SERINC5: variants seen among roughly 807,000 people sequenced by gnomAD.
The protein encoded by SERINC5 is chromosome 5 open reading frame 12.
Under a neutral mutation model 63.1 loss-of-function variants are expected in SERINC5, and 41 were observed. The ratio of observed to expected loss-of-function variants is 0.65; its 90% CI spans 0.51 to 0.84. The LOEUF (loss-of-function observed/expected upper bound fraction) is 0.84. Ranked by LOEUF, SERINC5 falls within the 40% of genes least tolerant of loss-of-function variation. The pLI, the probability that SERINC5 is intolerant of heterozygous loss-of-function variation, is 0.00. For synonymous variants in SERINC5, 222 were observed against 215.2 expected (o/e 1.03, Z -0.28); for missense variants, 523 against 573.0 (o/e 0.91, Z 0.89).
chr5:80,160,934 G>GTA (rs1187542681), intron 7 of SERINC5, among the ~76,000 whole-genome samples: 5 of 131,916 alleles, frequency 3.8e-5, no homozygotes, highest in South Asian at 2.5e-4. Flanking sequence ...GTGTGTGTGT[G>GTA]TATATATATG....
Position 80,143,481 on chromosome 5 carries a change from C to T in SERINC5, c.*182G>A. On this transcript the variant is annotated 3_prime_UTR_variant, in exon 12 of 12. Transcript: ENST00000507668. ...AAAATTTCAATTCCTTTGGGACAAACTGGTAGTTTCTTTTTGAATTTCAAA... is the reference window on the plus strand; with the variant it reads ...AAAATTTCAATTCCTTTGGGACAAATTGGTAGTTTCTTTTTGAATTTCAAA... 1 of 1,354,648 alleles carries T rather than the reference C, an allele frequency of 7.4e-7. No individual in the cohort carries two copies. The highest frequency in any genetic ancestry group is 9.5e-7 in the Non-Finnish European group (1 of 1,056,418). 83.9% of individuals were successfully genotyped at this position (1,354,648 alleles called of 1,614,324 possible).
intron 1 of SERINC5, among the ~76,000 whole-genome samples, chr5:80,208,859 TTTG>T (rs1424657851): frequency 2.6e-5 from 4 of 152,206 alleles, no homozygotes; most frequent in African/African-American, 9.7e-5. Context: ...CAATGAAATA[TTTG>T]TTAATACGTC....
chr5:80,139,383 C>A lies in SERINC5; in HGVS notation c.*4280G>T, dbSNP rs1745366597. 1.0e-6 allele frequency: 1 copy of A among 984,968 alleles called. No homozygotes were observed. The highest frequency in any genetic ancestry group is 6.2e-5 in the Admixed American group (1 of 16,248). The allele number at this position is 984,968 out of a possible 1,614,324, so 61.0% of individuals were successfully genotyped here. A position where few individuals can be genotyped will look rare whatever the true frequency, so the allele number is the denominator to read the frequency against. On this transcript the variant is annotated 3_prime_UTR_variant, in exon 12 of 12. Transcript: ENST00000507668. The stretch of plus-strand genomic sequence containing the variant: ...CAGGATCCTTTATCCCAAAGGATTA[C>A]CTTAAAGAGTTCTTCCATCATTTTA...
chr5:80,236,985 C>T (rs7737310), intron 1 of SERINC5, among the ~76,000 whole-genome samples: 28 of 151,974 alleles, frequency 1.8e-4, no homozygotes, highest in African/African-American at 6.8e-4. Context: ...GCCATCATGC[C>T]GGGCTAACTT....
chr5:80,160,518 T>G (rs1247823448), intron 7 of SERINC5, among the ~76,000 whole-genome samples: 2 of 152,192 alleles, frequency 1.3e-5, no homozygotes, highest in African/African-American at 4.8e-5. Flanking sequence ...TATTTGCACT[T>G]GAAACAGTAA....
rs201657192 is a variant in SERINC5 at position 80,143,538 on chromosome 5, TC to T, written c.*124del. On this transcript the variant is annotated 3_prime_UTR_variant, in exon 12 of 12. Transcript: ENST00000507668. ...AAGCTAATCAGGAGATTTTTTTTTT[TC>T]TCTCTCAAAGCTTTTTCAGACCCAC... 2.3e-3 allele frequency: 3,168 copies of T among 1,365,098 alleles called. 37 individuals are homozygous for T. The African/African-American group carries it at 0.031, about 13-fold the overall frequency. The allele number at this position is 1,365,098 out of a possible 1,614,324, so 84.6% of individuals were successfully genotyped here. A position where few individuals can be genotyped will look rare whatever the true frequency, so the allele number is the denominator to read the frequency against.
rs541785986 is a variant in SERINC5 at position 80,117,259 on chromosome 5, A to C, written c.1239-3634T>G. On this transcript the variant is annotated intron_variant, in intron 11 of 12. Transcript: ENST00000509193. Reference sequence around the variant, plus strand: ...CTGGTCCTCACTCTGCCGTTTACTCACAGTCCAACTGCAGATGGGACCTCA... The same window carrying C: ...CTGGTCCTCACTCTGCCGTTTACTCCCAGTCCAACTGCAGATGGGACCTCA... 8.5e-5 allele frequency among the ~76,000 whole-genome samples: 13 copies of C among 152,210 alleles called. No individual in the cohort carries two copies. The South Asian group carries it at 2.7e-3, about 32-fold the overall frequency.
chr5:80,237,811 A>T (rs185493156), intron 1 of SERINC5, among the ~76,000 whole-genome samples: 200 of 152,152 alleles, frequency 1.3e-3, no homozygotes, highest in African/African-American at 4.7e-3. Context: ...GCTTCCAAAA[A>T]ATATGCAATC....
intron 8 of SERINC5, among the ~76,000 whole-genome samples, chr5:80,152,013 C>T (rs1169026620): frequency 6.6e-6 from 1 of 152,228 alleles, no homozygotes; most frequent in African/African-American, 2.4e-5. Context: ...CAGAAGCCCA[C>T]TGAGATCCAA....
At chr5:80,238,893 G>A (rs1751829223) in intron 1 of SERINC5, among the ~76,000 whole-genome samples, 1 of 151,546 alleles carries the variant, frequency 6.6e-6, no homozygotes, top group Non-Finnish European at 1.5e-5. Flanking sequence ...GCTCTGCACA[G>A]ACAGCAGATT....
downstream of SERINC5, among the ~76,000 whole-genome samples, chr5:80,136,970 C>G (rs1235008892): frequency 6.6e-6 from 1 of 151,036 alleles, no homozygotes; most frequent in Non-Finnish European, 1.5e-5. Context: ...ACCATCTCTA[C>G]CCCCAAAAAT....
chr5:80,210,049 A>G (rs10061215), intron 1 of SERINC5, among the ~76,000 whole-genome samples: 49,477 of 144,176 alleles, frequency 0.34, 8,594 homozygotes, highest in East Asian at 0.55. Flanking sequence ...CAGAGATCCT[A>G]TCTCAAAAAA....
intron 1 of SERINC5, among the ~76,000 whole-genome samples, chr5:80,244,303 C>G (rs919672589): frequency 6.6e-6 from 1 of 151,784 alleles, no homozygotes; most frequent in African/African-American, 2.4e-5. Flanking sequence ...GCAACCTCTG[C>G]CTCTCAGGTT....
exon 12 of SERINC5, chr5:80,113,601 T>A (rs747015277): frequency 4.6e-5 from 13 of 282,614 alleles, no homozygotes; most frequent in East Asian, 1.2e-4. Context: ...GGCCTCAGAA[T>A]CATGGCAGGA....
intron 3 of SERINC5, among the ~76,000 whole-genome samples, chr5:80,177,663 T>A (rs1363133594): frequency 6.6e-6 from 1 of 152,172 alleles, no homozygotes; most frequent in Admixed American, 6.5e-5. Flanking sequence ...AGAAATAAAC[T>A]CTTTGTCTTG....
intron 1 of SERINC5, among the ~76,000 whole-genome samples, chr5:80,251,290 GCATACATACATACATA>G (rs201874043): frequency 2.8e-4 from 28 of 98,592 alleles, no homozygotes; most frequent in South Asian, 8.1e-4. Flanking sequence ...ATACATACAT[GCATACATACATACATA>G]CATACATACA....
At chr5:80,148,651 G>C (rs1342118448) in intron 9 of SERINC5, among the ~76,000 whole-genome samples, 1 of 151,334 alleles carries the variant, frequency 6.6e-6, no homozygotes, top group East Asian at 1.9e-4. Context: ...CTGGGTGACA[G>C]AGTGAGGCCC....
chr5:80,123,906 C>T (rs577030302), intron 11 of SERINC5, among the ~76,000 whole-genome samples: 1 of 152,294 alleles, frequency 6.6e-6, no homozygotes, highest in South Asian at 2.1e-4. Flanking sequence ...TCTAAAACAT[C>T]CTCCCTTTCC....
intron 11 of SERINC5, among the ~76,000 whole-genome samples, chr5:80,129,436 T>G (rs1255609687): frequency 1.3e-5 from 2 of 152,184 alleles, no homozygotes; most frequent in African/African-American, 4.8e-5. Context: ...TAAGAGCAGC[T>G]GGGATTACAG....
Sources: gnomAD v4.1 joint callset for allele counts (sites outside exome capture counted in the v4.1 genomes callset) on GRCh38, gnomAD v4.1.1 for gene constraint, MANE v1.5 for transcripts, NCBI Gene and HGNC (gene_info 2026-07-23, HGNC 2026-07-21) for gene names.